The following SGCE variants were observed in gnomAD, a reference collection of about 807,000 sequenced individuals.
SGCE encodes the protein epsilon-sarcoglycan.
In SGCE, 26 loss-of-function variants were observed where a neutral mutation model predicts 57.8. The observed-to-expected ratio is 0.45, with a 90% confidence interval of 0.33 to 0.62. The LOEUF is 0.62. Among genes scored for constraint, SGCE ranks in the 20% least tolerant of loss-of-function variants. SGCE has a pLI of 0.02. For missense variants in SGCE, 468 were observed against 548.6 expected, an observed-to-expected ratio of 0.85 and a Z score of 1.47; for synonymous variants, 183 against 189.5, an observed-to-expected ratio of 0.97 and a Z score of 0.28.
At chr7:94,600,549 G>A (rs1799043592) in intron 7 of SGCE, 97 bp downstream of exon 7, 1 of 849,460 alleles carries the variant, frequency 1.2e-6, no homozygotes, top group Non-Finnish European at 1.9e-6. Context: ...TTTACAAAGT[G>A]TTTTATGAAC....
At position 94,613,276 on chromosome 7, in the gene SGCE, GTAATAA is replaced by G. The variant is rs969358814; in HGVS notation, c.662+5476_662+5481del. 5.9e-5 allele frequency among the ~76,000 whole-genome samples: 9 copies of G among 152,202 alleles called. No individual in the cohort carries two copies. In the East Asian group the frequency reaches 1.5e-3, roughly 26 times the overall value. ...TATGTAATTTTGTCTGAGTCCATGT[GTAATAA>G]TAATAACTATGCTACACATGCTAAA... On this transcript the variant is annotated intron_variant, in intron 5 of 10. Transcript: ENST00000648936.
At position 94,588,673 on chromosome 7, in the gene SGCE, T is replaced by C; in HGVS notation, c.1297+16A>G. ...GATTCATTCATAAACATTAATTTAT[T>C]ATTCTTAGCACTCACCTGTAGTCTG... On this transcript the variant is annotated intron_variant, in intron 10 of 10. Transcript: ENST00000648936. 6.3e-7 allele frequency: 1 copy of C among 1,581,336 alleles called. No individual in the cohort carries two copies.
rs1298879047 is a variant in SGCE at position 94,585,322 on chromosome 7, CA to C, written c.*176del. The C allele has an allele frequency of 4.1e-5, 22 of 533,344 alleles. No individual in the cohort carries two copies. The highest frequency in any genetic ancestry group is 6.3e-5 in the Non-Finnish European group (19 of 299,428). 33.0% of individuals were successfully genotyped at this position (533,344 alleles called of 1,614,324 possible). A position where few individuals can be genotyped will look rare whatever the true frequency, so the allele number is the denominator to read the frequency against. On this transcript the variant is annotated 3_prime_UTR_variant, in exon 11 of 11. Coordinates refer to ENST00000648936, the MANE Select transcript of SGCE (RefSeq NM_003919.3). Reference sequence around the variant, plus strand: ...CAAATTGTCAAAAATGCTTTAAGTACAAAAAAATACATTAGTAAAATGAAAG... The same window carrying C: ...CAAATTGTCAAAAATGCTTTAAGTACAAAAAATACATTAGTAAAATGAAAG...
chr7:94,586,365 G>A (rs1416694236), intron 10 of SGCE, among the ~76,000 whole-genome samples: 2 of 152,096 alleles, frequency 1.3e-5, no homozygotes, highest in South Asian at 2.1e-4. Flanking sequence ...CTAAATCCAT[G>A]CATTTTCAGA....
At chr7:94,626,557 A>G (rs1803743785) in intron 3 of SGCE, 1 of 152,048 alleles carries the variant, frequency 6.6e-6, no homozygotes, top group Non-Finnish European at 1.5e-5. Context: ...TAGAAATATA[A>G]CAGTAATTTA....
At chr7:94,586,791 C>T (rs1796969916) in intron 10 of SGCE, 15 of 979,622 alleles carry the variant, frequency 1.5e-5, no homozygotes, top group African/African-American at 1.8e-5. Flanking sequence ...TGTGAGCCAC[C>T]GCACCCAGCC....
chr7:94,622,005 A>G (rs959426460), intron 4 of SGCE: 3 of 151,756 alleles, frequency 2.0e-5, no homozygotes, highest in African/African-American at 7.3e-5. Context: ...CCTGGGGGAA[A>G]ACATTCACTT....
intron 5 of SGCE, among the ~76,000 whole-genome samples, chr7:94,614,107 C>CAAAAAAAAAA (rs925650428): frequency 2.1e-5 from 2 of 94,960 alleles, no homozygotes; most frequent in East Asian, 3.3e-4. Context: ...AAATTGAAAT[C>CAAAAAAAAAA]AAAAAAAAAA....
In SGCE at chr7:94,634,986, C is replaced by T. The variant is rs139767033; in HGVS notation, c.110-5145G>A. On this transcript the variant is annotated intron_variant, in intron 1 of 10. Transcript: ENST00000648936. ...TGGGAAATACACTGCACAATTTAAACGAAGAGATCTATGGATTAAATGATA... is the reference window on the plus strand; with the variant it reads ...TGGGAAATACACTGCACAATTTAAATGAAGAGATCTATGGATTAAATGATA... 1.9e-3 allele frequency among the ~76,000 whole-genome samples: 295 copies of T among 152,130 alleles called. 1 individual carries two copies. The highest frequency in any genetic ancestry group is 6.7e-3 in the African/African-American group (277 of 41,504).
At chr7:94,655,476 G>C (rs975344873) in intron 1 of SGCE, among the ~76,000 whole-genome samples, 5 of 151,814 alleles carry the variant, frequency 3.3e-5, no homozygotes, top group African/African-American at 9.7e-5. Flanking sequence ...GGGGAAATTC[G>C]GTGTTTTAAA....
In SGCE at chr7:94,598,921, C is replaced by G. The variant is rs968874667; in HGVS notation, c.1107G>C (p.Lys369Asn). The part of the protein sequence containing the change: ...VHHSAIQKST[K>N]ELRDMSKNRE... ...TATTCTTGGACATGTCTCGAAGCTCCTTGGTAGATTTCTGAATAGCACTGT... is the reference window on the plus strand; with the variant it reads ...TATTCTTGGACATGTCTCGAAGCTCGTTGGTAGATTTCTGAATAGCACTGT... Residue 369 changes from lysine to asparagine, a missense_variant, in exon 9 of 11, where the codon AAG becomes AAC. Coordinates refer to ENST00000648936, the MANE Select transcript of SGCE (RefSeq NM_003919.3). 1.9e-6 allele frequency: 3 copies of G among 1,613,744 alleles called. No homozygotes were observed. The Admixed American group carries it at 5.0e-5, about 27-fold the overall frequency.
chr7:94,618,982 A>G (rs1209544969), intron 4 of SGCE, 26 bp from the exon 5 acceptor site: 3 of 1,457,102 alleles, frequency 2.1e-6, no homozygotes, highest in Non-Finnish European at 2.9e-6. Context: ...AAGGGCATGC[A>G]TATCTTTAAT....
At chr7:94,651,133 A>AT (rs1198464632) in intron 1 of SGCE, among the ~76,000 whole-genome samples, 1 of 151,972 alleles carries the variant, frequency 6.6e-6, no homozygotes, top group Admixed American at 6.6e-5. Context: ...AATAACCTTC[A>AT]TTTTCCTAAA....
intron 3 of SGCE, 178 bp downstream of exon 3, chr7:94,628,024 A>G: frequency 1.8e-6 from 1 of 558,876 alleles, no homozygotes; most frequent in South Asian, 2.5e-5. Flanking sequence ...AAAACTTTAT[A>G]AACAGAGAAG....
intron 5 of SGCE, among the ~76,000 whole-genome samples, chr7:94,611,723 G>A (rs1801076961): frequency 6.6e-6 from 1 of 152,122 alleles, no homozygotes; most frequent in South Asian, 2.1e-4. Flanking sequence ...AAAGTTCAAA[G>A]CTATGTAAAT....
chr7:94,631,710 G>A (rs1277074007), intron 1 of SGCE, among the ~76,000 whole-genome samples: 1 of 151,784 alleles, frequency 6.6e-6, no homozygotes, highest in African/African-American at 2.4e-5. Flanking sequence ...TTTAAGGTAG[G>A]GGGAGGCAAA....
chr7:94,629,970 T>C (rs1804431447), intron 1 of SGCE, 129 bp from the exon 2 acceptor site: 3 of 1,029,364 alleles, frequency 2.9e-6, no homozygotes, highest in East Asian at 2.5e-5. Flanking sequence ...TGAAGCAACA[T>C]GCAAGGAAAC....
intron 5 of SGCE, among the ~76,000 whole-genome samples, chr7:94,604,107 G>C (rs920652009): frequency 3.9e-5 from 6 of 152,036 alleles, no homozygotes; most frequent in Non-Finnish European, 5.9e-5. Flanking sequence ...TGGTTTGGGG[G>C]AATTATGGGG....
intron 5 of SGCE, 112 bp from the exon 6 acceptor site, chr7:94,603,564 C>T: frequency 1.0e-6 from 1 of 974,128 alleles, no homozygotes; most frequent in Non-Finnish European, 1.6e-6. Context: ...TAACTAGACT[C>T]ATCCCTGAGG....
Sources: allele counts gnomAD v4.1 joint callset (sites outside exome capture counted in the v4.1 genomes callset), GRCh38; gene constraint gnomAD v4.1.1; transcripts MANE v1.5; gene names NCBI Gene and HGNC (gene_info 2026-07-23, HGNC 2026-07-21).